Variants in KIFAP3 observed in about 807,000 individuals in gnomAD.
KIFAP3 encodes kinesin-associated protein 3.
In KIFAP3, 68 loss-of-function variants were observed where a neutral mutation model predicts 106.5. That is an observed-to-expected ratio of 0.64 (90% confidence interval 0.53 to 0.78). KIFAP3 has a LOEUF of 0.78. Among genes scored for constraint, KIFAP3 ranks in the 30% least tolerant of loss-of-function variants. The pLI, the probability that KIFAP3 is intolerant of heterozygous loss-of-function variation, is 0.00. For missense variants in KIFAP3, 780 were observed against 941.8 expected, an observed-to-expected ratio of 0.83 and a Z score of 2.25; for synonymous variants, 320 against 311.5, an observed-to-expected ratio of 1.03 and a Z score of -0.29.
intron 18 of KIFAP3, among the ~76,000 whole-genome samples, chr1:169,956,820 C>T (rs1174281202): frequency 6.6e-6 from 1 of 152,004 alleles, no homozygotes; most frequent in Non-Finnish European, 1.5e-5. Flanking sequence ...TGGTCTTGAA[C>T]TTCTGGCCTC....
At chr1:169,973,830 T>C (rs779157786) in intron 16 of KIFAP3, among the ~76,000 whole-genome samples, 1 of 151,834 alleles carries the variant, frequency 6.6e-6, no homozygotes, top group African/African-American at 2.4e-5. Context: ...TAAAAGCATA[T>C]ACTTGATTAT....
At chr1:170,045,729 T>C (rs1418855868) in intron 3 of KIFAP3, among the ~76,000 whole-genome samples, 5 of 152,138 alleles carry the variant, frequency 3.3e-5, no homozygotes, top group Non-Finnish European at 7.3e-5. Context: ...CAAACTAAGA[T>C]TTTCAAAAAT....
intron 9 of KIFAP3, among the ~76,000 whole-genome samples, chr1:170,020,951 T>A (rs1668784090): frequency 6.6e-6 from 1 of 152,140 alleles, no homozygotes; most frequent in African/African-American, 2.4e-5. Context: ...ATTTCTTAAA[T>A]ATGACACCCA....
At chr1:169,990,577 T>C (rs1363446066) in intron 11 of KIFAP3, among the ~76,000 whole-genome samples, 1 of 152,122 alleles carries the variant, frequency 6.6e-6, no homozygotes, top group Non-Finnish European at 1.5e-5. Context: ...TCAGCCCAAA[T>C]AGTGTTACAA....
At chr1:170,041,489 A>T (rs1401065557) in intron 3 of KIFAP3, among the ~76,000 whole-genome samples, 1 of 152,200 alleles carries the variant, frequency 6.6e-6, no homozygotes. Flanking sequence ...AAAAAATGTA[A>T]AAAATTAGCC....
intron 19 of KIFAP3, among the ~76,000 whole-genome samples, chr1:169,946,090 A>C (rs1470309669): frequency 6.6e-6 from 1 of 152,210 alleles, no homozygotes; most frequent in Non-Finnish European, 1.5e-5. Context: ...CATTTTTAAA[A>C]CAAATGAATT....
chr1:169,946,439 A>G (rs1412736792), intron 19 of KIFAP3, among the ~76,000 whole-genome samples: 1 of 152,138 alleles, frequency 6.6e-6, no homozygotes, highest in Admixed American at 6.5e-5. Context: ...CTGAATTTTA[A>G]TAACATTTAT....
intron 1 of KIFAP3, among the ~76,000 whole-genome samples, chr1:170,081,637 C>T (rs1401732701): frequency 6.6e-6 from 1 of 152,206 alleles, no homozygotes; most frequent in Non-Finnish European, 1.5e-5. Context: ...TTCATTATTG[C>T]CATCTCACAG....
At chr1:169,953,523 A>ATT (rs201230876) in intron 19 of KIFAP3, among the ~76,000 whole-genome samples, 1 of 149,132 alleles carries the variant, frequency 6.7e-6, no homozygotes, top group Non-Finnish European at 1.5e-5. Flanking sequence ...TGTGATCCCC[A>ATT]TTTTTTTTTT....
At chr1:170,070,226 C>A (rs915142994) in intron 1 of KIFAP3, among the ~76,000 whole-genome samples, 3 of 152,002 alleles carry the variant, frequency 2.0e-5, no homozygotes, top group African/African-American at 7.2e-5. Flanking sequence ...TGGCAATATT[C>A]CCCAAAGTGA....
chr1:169,991,326 A>G (rs1453252555), intron 11 of KIFAP3, among the ~76,000 whole-genome samples: 1 of 142,436 alleles, frequency 7.0e-6, no homozygotes, highest in African/African-American at 2.7e-5. Flanking sequence ...AGCCTGGGCA[A>G]CAGAGCAAGA....
chr1:170,039,273 G>C lies in KIFAP3; in HGVS notation c.335C>G (p.Ser112Ter). The change falls in exon 4 of 20, where the codon TCA becomes TGA. Residue 112 changes from serine to a stop codon, truncating the protein, a stop_gained. Transcript: ENST00000361580. LOFTEE classifies it high-confidence loss of function. ...SLSGKEKKEKSSKPKDPPPFE... is the reference protein window; with the variant it reads ...SLSGKEKKEK ...AGGAGGTGGATCTTTAGGCTTGCTT[G>C]ATTTTTCTTTTTTCTCTGTAAAAAG... 6.3e-7 allele frequency: 1 copy of C among 1,598,104 alleles called. No individual in the cohort carries two copies. Among genetic ancestry groups the C allele is most frequent in the Non-Finnish European group, 8.5e-7 (1 of 1,170,160 alleles).
intron 7 of KIFAP3, among the ~76,000 whole-genome samples, chr1:170,032,460 G>A (rs538248543): frequency 9.8e-4 from 148 of 151,790 alleles, no homozygotes; most frequent in African/African-American, 3.4e-3. Context: ...TTTTGTAGCA[G>A]CCTTTTCAGA....
intron 15 of KIFAP3, among the ~76,000 whole-genome samples, chr1:169,981,558 C>T (rs1666525439): frequency 1.3e-5 from 2 of 151,810 alleles, no homozygotes; most frequent in African/African-American, 4.8e-5. Flanking sequence ...CTTACTGTGC[C>T]TAATTTATAA....
rs1243880657 is a variant in KIFAP3 at position 169,922,596 on chromosome 1, C to CT, written c.2274-816dup. ...AGAGGAAAATCTGTTCTCCAAAGTC[C>CT]TTTTTAAAGGTCAGGGAATTATCCA... On this transcript the variant is annotated intron_variant, in intron 19 of 19. Coordinates refer to ENST00000361580, the MANE Select transcript of KIFAP3 (RefSeq NM_014970.4). Among the ~76,000 whole-genome samples, 3 of 152,164 alleles carry CT rather than the reference C, an allele frequency of 2.0e-5. No homozygotes were observed. The South Asian group carries it at 6.2e-4, about 32-fold the overall frequency.
At chr1:169,981,760 C>T (rs1666536348) in intron 15 of KIFAP3, among the ~76,000 whole-genome samples, 1 of 152,148 alleles carries the variant, frequency 6.6e-6, no homozygotes, top group Non-Finnish European at 1.5e-5. Flanking sequence ...TTTACAGCAA[C>T]ATTCTTAACT....
intron 9 of KIFAP3, among the ~76,000 whole-genome samples, chr1:170,021,946 T>C (rs1411841546): frequency 1.6e-4 from 20 of 125,048 alleles, no homozygotes; most frequent in South Asian, 5.9e-4. Context: ...TCTTTCTTTT[T>C]TTTTTTTTTT....
chr1:169,997,856 T>A (rs1475443241), intron 10 of KIFAP3, among the ~76,000 whole-genome samples: 2 of 113,680 alleles, frequency 1.8e-5, no homozygotes, highest in African/African-American at 7.2e-5. Context: ...GGCAGCTGAG[T>A]GAGACGTCTC....
At chr1:170,064,544 G>C (rs564568552) in intron 1 of KIFAP3, among the ~76,000 whole-genome samples, 6 of 152,094 alleles carry the variant, frequency 3.9e-5, no homozygotes, top group Non-Finnish European at 7.4e-5. Context: ...TATAGAGATG[G>C]GGTTTCAACA....
Sources: allele counts gnomAD v4.1 joint callset (sites outside exome capture counted in the v4.1 genomes callset), GRCh38; gene constraint gnomAD v4.1.1; transcripts MANE v1.5; gene names NCBI Gene and HGNC (gene_info 2026-07-23, HGNC 2026-07-21).